The following FBXL17 variants were observed in gnomAD, a reference collection of about 807,000 sequenced individuals.
FBXL17 encodes F-box and leucine rich repeat protein 17.
A neutral mutation model predicts 66.2 loss-of-function variants in FBXL17; 22 were observed. The observed-to-expected ratio is 0.33, with a 90% CI of 0.24 to 0.47. FBXL17 has a LOEUF of 0.47. Ranked by LOEUF, FBXL17 falls within the 20% of genes least tolerant of loss-of-function variation. The pLI is 1.00. For synonymous variants in FBXL17, 474 were observed against 400.5 expected (o/e 1.18, Z -2.19); for missense variants, 878 against 948.2 (o/e 0.93, Z 0.97).
chr5:108,029,684 T>G (rs546772715), intron 6 of FBXL17, among the ~76,000 whole-genome samples: 2 of 152,114 alleles, frequency 1.3e-5, no homozygotes, highest in Admixed American at 6.6e-5. Context: ...AAAAAGAATG[T>G]GACAATAAAA....
At chr5:107,990,489 G>T (rs926244020) in intron 7 of FBXL17, among the ~76,000 whole-genome samples, 2 of 152,080 alleles carry the variant, frequency 1.3e-5, no homozygotes, top group Non-Finnish European at 2.9e-5. Flanking sequence ...CTGGCTCCAT[G>T]ACTTAAAAAC....
intron 6 of FBXL17, among the ~76,000 whole-genome samples, chr5:108,096,924 T>A (rs1749390320): frequency 6.6e-6 from 1 of 152,202 alleles, no homozygotes; most frequent in Admixed American, 6.5e-5. Flanking sequence ...GGTACACATG[T>A]AAAGGCACAT....
intron 6 of FBXL17, among the ~76,000 whole-genome samples, chr5:108,056,830 A>T (rs1011402098): frequency 5.3e-5 from 8 of 152,232 alleles, no homozygotes; most frequent in African/African-American, 1.9e-4. Flanking sequence ...TTTCTCAAAA[A>T]TACAATTTTA....
At chr5:108,297,619 A>T (rs73214578) in intron 4 of FBXL17, 1,769 of 161,242 alleles carry the variant, frequency 0.011, 30 homozygotes, top group African/African-American at 0.038. Flanking sequence ...GAATTTTAAG[A>T]ATCATACTGA....
chr5:108,040,574 T>G (rs1747007759), intron 6 of FBXL17, among the ~76,000 whole-genome samples: 2 of 152,292 alleles, frequency 1.3e-5, no homozygotes, highest in East Asian at 3.9e-4. Flanking sequence ...ATATTTTCCC[T>G]GACATGCAAA....
Position 108,382,060 on chromosome 5 carries a change from A to C in FBXL17, c.-369T>G. 2.6e-6 allele frequency: 2 copies of C among 782,474 alleles called. No homozygotes were observed. The highest frequency in any genetic ancestry group is 3.2e-6 in the Non-Finnish European group (2 of 632,194). 48.5% of individuals were successfully genotyped at this position (782,474 alleles called of 1,614,324 possible). A position where few individuals can be genotyped will look rare whatever the true frequency, so the allele number is the denominator to read the frequency against. Reference sequence around the variant, plus strand: ...GGCCGGGTCCCGCTCGGACCATTTTAACTGCGGATCCGCCGCCGGCGCGCG... The same window carrying C: ...GGCCGGGTCCCGCTCGGACCATTTTCACTGCGGATCCGCCGCCGGCGCGCG... On this transcript the variant is annotated 5_prime_UTR_variant, in exon 1 of 9. Coordinates refer to ENST00000542267, the MANE Select transcript of FBXL17 (RefSeq NM_001163315.3).
chr5:108,154,558 C>A (rs185603914), intron 6 of FBXL17, among the ~76,000 whole-genome samples: 3,146 of 141,928 alleles, frequency 0.022, 296 homozygotes, highest in East Asian at 0.15. Flanking sequence ...CCATTGCACT[C>A]CAGCCTGGGC....
In FBXL17 at chr5:108,162,846, T is replaced by C. The variant is rs189270643; in HGVS notation, c.1745+23271A>G. ...AGTGCTATAGAAGTGTTAGTGGTTATTGGTATTATTCTGTATTGATGTGCA... is the reference window on the plus strand; with the variant it reads ...AGTGCTATAGAAGTGTTAGTGGTTACTGGTATTATTCTGTATTGATGTGCA... On this transcript the variant is annotated intron_variant, in intron 6 of 8. Transcript: ENST00000542267. Among the ~76,000 whole-genome samples, 4 of 152,292 alleles carry C rather than the reference T, an allele frequency of 2.6e-5. No homozygotes were observed. The East Asian group carries it at 5.8e-4, about 22-fold the overall frequency.
chr5:108,276,268 T>C (rs1485810982), intron 4 of FBXL17, among the ~76,000 whole-genome samples: 2 of 152,134 alleles, frequency 1.3e-5, no homozygotes, highest in Non-Finnish European at 2.9e-5. Context: ...TATGAAAACA[T>C]TACTTTCAGA....
intron 6 of FBXL17, among the ~76,000 whole-genome samples, chr5:108,118,258 C>G (rs1219105704): frequency 1.3e-5 from 2 of 152,188 alleles, no homozygotes; most frequent in Non-Finnish European, 2.9e-5. Flanking sequence ...CAGATTCAAA[C>G]CCAACTGAGT....
At chr5:108,133,709 AAAG>A (rs1561426655) in intron 6 of FBXL17, among the ~76,000 whole-genome samples, 1 of 152,190 alleles carries the variant, frequency 6.6e-6, no homozygotes, top group Non-Finnish European at 1.5e-5. Context: ...AAACATAAAA[AAAG>A]AAGAAAAGAC....
At chr5:108,297,745 A>G (rs1758407890) in intron 4 of FBXL17, 1 of 629,664 alleles carries the variant, frequency 1.6e-6, no homozygotes, top group Non-Finnish European at 2.0e-6. Flanking sequence ...TAAACTTCAA[A>G]AAAAGTTTAT....
rs564678743 is a variant in FBXL17 at position 108,340,611 on chromosome 5, T to C, written c.1506+7788A>G. On this transcript the variant is annotated intron_variant, in intron 4 of 8. Transcript: ENST00000542267. ...ACTTTGGCTGGATAAATTTGATACA[T>C]AAAGAATGGCATCATTAATGTGCTA... Among the ~76,000 whole-genome samples, 165 of 152,272 alleles carry C rather than the reference T, an allele frequency of 1.1e-3. 3 individuals are homozygous for C. The highest frequency in any genetic ancestry group is 3.8e-3 in the African/African-American group (156 of 41,564).
chr5:107,894,652 T>G (rs1187403301), intron 7 of FBXL17, among the ~76,000 whole-genome samples: 2 of 152,142 alleles, frequency 1.3e-5, no homozygotes, highest in Non-Finnish European at 2.9e-5. Context: ...TGATCCATCC[T>G]GGGGGACATT....
chr5:108,091,652 T>C (rs955627766), intron 6 of FBXL17, among the ~76,000 whole-genome samples: 1 of 152,226 alleles, frequency 6.6e-6, no homozygotes. Context: ...TCAGGCCTTA[T>C]ACTTTCCCCC....
At chr5:108,083,100 A>G (rs1169820566) in intron 6 of FBXL17, among the ~76,000 whole-genome samples, 1 of 152,150 alleles carries the variant, frequency 6.6e-6, no homozygotes, top group African/African-American at 2.4e-5. Flanking sequence ...CAAATAATCA[A>G]TATTTAAGAA....
At chr5:107,918,885 A>G (rs2112557991) in intron 7 of FBXL17, among the ~76,000 whole-genome samples, 1 of 152,282 alleles carries the variant, frequency 6.6e-6, no homozygotes, top group South Asian at 2.1e-4. Flanking sequence ...TTGTAGATCC[A>G]GGGAAGCCAT....
At chr5:108,029,882 T>C (rs1464229597) in intron 6 of FBXL17, among the ~76,000 whole-genome samples, 1 of 152,052 alleles carries the variant, frequency 6.6e-6, no homozygotes, top group African/African-American at 2.4e-5. Flanking sequence ...GGCTATTGAA[T>C]CTTACGTAGC....
chr5:108,241,484 A>T (rs1755852363), intron 4 of FBXL17, among the ~76,000 whole-genome samples: 1 of 152,160 alleles, frequency 6.6e-6, no homozygotes, highest in Admixed American at 6.6e-5. Context: ...AGAATAAAGA[A>T]TGCCTACAAG....
Sources: allele counts gnomAD v4.1 joint callset (sites outside exome capture counted in the v4.1 genomes callset), GRCh38; gene constraint gnomAD v4.1.1; transcripts MANE v1.5; gene names NCBI Gene and HGNC (gene_info 2026-07-23, HGNC 2026-07-21).